EPCAM: variants seen among roughly 807,000 people sequenced by gnomAD.
EPCAM encodes epithelial cell adhesion molecule.
Under a neutral mutation model 40.0 loss-of-function variants are expected in EPCAM, and 39 were observed. The ratio of observed to expected loss-of-function variants is 0.98; its 90% CI spans 0.76 to 1.27. The LOEUF is 1.27. Ranked by LOEUF, EPCAM falls within the 50% of genes most tolerant of loss-of-function variation. EPCAM has a pLI of 0.00. For synonymous variants in EPCAM, 168 were observed against 132.3 expected (o/e 1.27, Z -1.85); for missense variants, 503 against 381.2 (o/e 1.32, Z -2.66).
At chr2:47,381,280 C>T (rs1373107401) in intron 7 of EPCAM, among the ~76,000 whole-genome samples, 2 of 150,032 alleles carry the variant, frequency 1.3e-5, no homozygotes, top group Admixed American at 1.3e-4. Flanking sequence ...CCTGTAATCC[C>T]AGCTACTCAG....
rs567291767 is a variant in EPCAM, at chr2:47,373,835, C to G, written c.212C>G (p.Ala71Gly). The change falls in exon 3 of 9, where the codon GCA becomes GGA. Residue 71 changes from alanine (A) to glycine (G), a missense_variant. Transcript: ENST00000263735. ...GCTGCCAAATGTTTGGTGATGAAGG[C>G]AGAAATGAATGGCTCAAAACTTGGG... ...KLAAKCLVMK[A>G]EMNGSKLGRR... 6.2e-7 allele frequency: 1 copy of G among 1,613,812 alleles called. No homozygotes were observed. Among genetic ancestry groups the G allele is most frequent in the African/African-American group, 1.3e-5 (1 of 74,814 alleles).
chr2:47,380,084 G>T (rs1671549436), intron 7 of EPCAM, 115 bp downstream of exon 7: 1 of 1,512,792 alleles, frequency 6.6e-7, no homozygotes, highest in Non-Finnish European at 8.9e-7. Context: ...GGGAGGCTGA[G>T]ACAGGTGGAT....
chr2:47,383,507 A>T (rs1284729636), intron 7 of EPCAM: 2 of 141,966 alleles, frequency 1.4e-5, no homozygotes, highest in African/African-American at 5.3e-5. Flanking sequence ...GTTTCACCAT[A>T]TTGGCCAGGC....
Position 47,373,492 on chromosome 2 carries a change from G to C in EPCAM, c.106G>C (p.Val36Leu), listed in dbSNP as rs771315207. 6.2e-7 allele frequency: 1 copy of C among 1,612,644 alleles called. No individual in the cohort carries two copies. The highest frequency in any genetic ancestry group is 8.5e-7 in the Non-Finnish European group (1 of 1,179,094). ...ECVCENYKLA[V>L]NCFVNNNRQC... ...TGTCTGTGAAAACTACAAGCTGGCC[G>C]TAAACTGCTTTGTGAATAATAATCG... The change falls in exon 2 of 9, where the codon GTA becomes CTA. Residue 36 changes from valine (V) to leucine (L), a missense_variant. Coordinates refer to ENST00000263735, the MANE Select transcript of EPCAM (RefSeq NM_002354.3).
rs147650232 is a variant in EPCAM, at chr2:47,386,629, A to C, written c.*16A>C. 8.8e-6 allele frequency: 14 copies of C among 1,584,128 alleles called. No homozygotes were observed. The highest frequency in any genetic ancestry group is 1.1e-5 in the Non-Finnish European group (13 of 1,153,772). On this transcript the variant is annotated 3_prime_UTR_variant, in exon 9 of 9. Transcript: ENST00000263735. Reference sequence around the variant, plus strand: ...CAATGCATAACTATATAATTTGAAGATTATAGAAGAAGGGAAATAGCAAAT... The same window carrying C: ...CAATGCATAACTATATAATTTGAAGCTTATAGAAGAAGGGAAATAGCAAAT...
At chr2:47,372,180 T>C (rs1262182082) in intron 1 of EPCAM, among the ~76,000 whole-genome samples, 1 of 152,152 alleles carries the variant, frequency 6.6e-6, no homozygotes, top group Non-Finnish European at 1.5e-5. Flanking sequence ...ATAACTGCAG[T>C]TGAAAGTGTA....
rs867759500 is a variant in EPCAM at position 47,375,708 on chromosome 2, T to A, written c.491+409T>A. On this transcript the variant is annotated intron_variant, in intron 4 of 8. Transcript: ENST00000263735. Reference sequence around the variant, plus strand: ...ATACAACGATCAAATTTAGGAAAAATTTTTTTTTTTTTTTTTAGACGGAGT... The same window carrying A: ...ATACAACGATCAAATTTAGGAAAAAATTTTTTTTTTTTTTTTAGACGGAGT... 3.7e-3 allele frequency among the ~76,000 whole-genome samples: 161 copies of A among 43,900 alleles called. 1 individual carries two copies. The highest frequency in any genetic ancestry group is 0.017 in the African/African-American group (139 of 8,136). The allele number at this position is 43,900 out of a possible 152,430, so 28.8% of individuals were successfully genotyped here.
chr2:47,377,846 A>C (rs1216202081), intron 5 of EPCAM: 1 of 430,928 alleles, frequency 2.3e-6, no homozygotes, highest in Non-Finnish European at 4.6e-6. Flanking sequence ...TTAAAAAATA[A>C]AAAGAAGCTT....
intron 4 of EPCAM, among the ~76,000 whole-genome samples, chr2:47,375,966 A>C (rs962705167): frequency 6.6e-6 from 1 of 152,070 alleles, no homozygotes; most frequent in African/African-American, 2.4e-5. Flanking sequence ...TGCCTCCCAA[A>C]GTGCTGCAAT....
chr2:47,371,253 C>T (rs1169140601), intron 1 of EPCAM, among the ~76,000 whole-genome samples: 2 of 152,296 alleles, frequency 1.3e-5, no homozygotes, highest in South Asian at 4.1e-4. Context: ...AACTTGGCTG[C>T]CGTCTCTCTC....
intron 7 of EPCAM, among the ~76,000 whole-genome samples, chr2:47,384,941 A>T (rs1053195887): frequency 3.3e-5 from 5 of 152,178 alleles, no homozygotes; most frequent in African/African-American, 1.2e-4. Context: ...TCCTGACCTC[A>T]GATGATCTTC....
intron 1 of EPCAM, 82 bp downstream of exon 1, chr2:47,369,663 G>T (rs768899723): frequency 7.3e-7 from 1 of 1,364,416 alleles, no homozygotes; most frequent in Non-Finnish European, 1.0e-6. Flanking sequence ...CCCGAAACGG[G>T]CATAATAGGG....
chr2:47,380,548 G>C (rs775288858), intron 7 of EPCAM, among the ~76,000 whole-genome samples: 13 of 152,106 alleles, frequency 8.5e-5, no homozygotes, highest in Non-Finnish European at 1.6e-4. Flanking sequence ...GCGTCTTTCA[G>C]TTGTCACTGC....
intron 1 of EPCAM, among the ~76,000 whole-genome samples, chr2:47,371,692 C>T (rs528702562): frequency 1.3e-5 from 2 of 152,300 alleles, no homozygotes; most frequent in African/African-American, 2.4e-5. Context: ...TTTTACGCCC[C>T]TTAGGTATGA....
At position 47,386,859 on chromosome 2, in the gene EPCAM, G is replaced by A. The variant is rs551199869; in HGVS notation, c.*246G>A. ...TAAAATCCAGAACTTGGACTCCATCGTTAAAATTATTTATGTGTAACATTC... is the reference window on the plus strand; with the variant it reads ...TAAAATCCAGAACTTGGACTCCATCATTAAAATTATTTATGTGTAACATTC... On this transcript the variant is annotated 3_prime_UTR_variant, in exon 9 of 9. Transcript: ENST00000263735. 40 of 364,940 alleles carry A rather than the reference G, an allele frequency of 1.1e-4. No individual in the cohort carries two copies. The highest frequency in any genetic ancestry group is 1.7e-4 in the Non-Finnish European group (35 of 201,780). The allele number at this position is 364,940 out of a possible 1,614,324, so 22.6% of individuals were successfully genotyped here. A position where few individuals can be genotyped will look rare whatever the true frequency, so the allele number is the denominator to read the frequency against.
Position 47,386,594 on chromosome 2 carries a change from A to G in EPCAM, c.926A>G (p.His309Arg). 2 of 1,607,464 alleles carry G rather than the reference A, an allele frequency of 1.2e-6. No individual in the cohort carries two copies. The highest frequency in any genetic ancestry group is 8.5e-7 in the Non-Finnish European group (1 of 1,174,828). ...CAGATAAAGGAGATGGGTGAGATGC[A>G]TAGGGAACTCAATGCATAACTATAT... ...KAEIKEMGEMHRELNA is the reference protein window; with the variant it reads ...KAEIKEMGEMRRELNA The change falls in exon 9 of 9, where the codon CAT (histidine) becomes CGT (arginine). Residue 309 changes from histidine to arginine, a missense_variant. By Grantham distance (29) the His-to-Arg change is conservative. Transcript: ENST00000263735.
Position 47,386,849 on chromosome 2 carries a change from G to T in EPCAM, c.*236G>T. The stretch of plus-strand genomic sequence containing the variant: ...AGATCTAATGTAAAATCCAGAACTT[G>T]GACTCCATCGTTAAAATTATTTATG... On this transcript the variant is annotated 3_prime_UTR_variant, in exon 9 of 9. Transcript: ENST00000263735. 1 of 375,810 alleles carries T rather than the reference G, an allele frequency of 2.7e-6. No homozygotes were observed. Among genetic ancestry groups the T allele is most frequent in the Non-Finnish European group, 4.8e-6 (1 of 208,620 alleles). 23.3% of individuals were successfully genotyped at this position (375,810 alleles called of 1,614,324 possible).
intron 4 of EPCAM, among the ~76,000 whole-genome samples, chr2:47,375,856 C>A (rs532040971): frequency 6.6e-6 from 1 of 152,164 alleles, no homozygotes; most frequent in African/African-American, 2.4e-5. Context: ...CAGGTGCCTG[C>A]CACTACGCCC....
At position 47,369,371 on chromosome 2, in the gene EPCAM, GCTGTC is replaced by G; in HGVS notation, c.-132_-128del. The G allele has an allele frequency of 1.7e-6, 2 of 1,197,064 alleles. No homozygotes were observed. Among genetic ancestry groups the G allele is most frequent in the Admixed American group, 4.1e-5 (1 of 24,348 alleles). 74.2% of individuals were successfully genotyped at this position (1,197,064 alleles called of 1,614,324 possible). A position where few individuals can be genotyped will look rare whatever the true frequency, so the allele number is the denominator to read the frequency against. ...GACGCGGTCCGGGGACCCCCTCGTC[GCTGTC>G]CTCCCGACGCGGACCCGCGTGCCCC... On this transcript the variant is annotated 5_prime_UTR_variant, in exon 1 of 9. Coordinates refer to ENST00000263735, the MANE Select transcript of EPCAM (RefSeq NM_002354.3).
Sources: allele counts gnomAD v4.1 joint callset (sites outside exome capture counted in the v4.1 genomes callset), GRCh38; gene constraint gnomAD v4.1.1; transcripts MANE v1.5; gene names NCBI Gene and HGNC (gene_info 2026-07-23, HGNC 2026-07-21).